CRY1: variants seen among roughly 807,000 people sequenced by gnomAD.
The protein encoded by CRY1 is cryptochrome circadian regulator 1, also known as cryptochrome-1.
A neutral mutation model predicts 76.0 loss-of-function variants in CRY1; 45 were observed. That is an observed-to-expected ratio of 0.59 (90% confidence interval 0.47 to 0.76). CRY1 has a LOEUF of 0.76. Among genes scored for constraint, CRY1 ranks in the 30% least tolerant of loss-of-function variants. The pLI is 0.00. For missense variants in CRY1, 587 were observed against 716.4 expected (o/e 0.82, Z 2.06); for synonymous variants, 248 against 244.0 (o/e 1.02, Z -0.15).
At chr12:107,049,158 G>A (rs1952886196) in intron 1 of CRY1, among the ~76,000 whole-genome samples, 1 of 152,140 alleles carries the variant, frequency 6.6e-6, no homozygotes. Context: ...ACCAAAAGCT[G>A]AAATAGTCCA....
intron 1 of CRY1, among the ~76,000 whole-genome samples, chr12:107,084,244 G>T (rs564715029): frequency 6.6e-6 from 1 of 152,220 alleles, no homozygotes; most frequent in South Asian, 2.1e-4. Flanking sequence ...TCATGAAAAT[G>T]GCCATACTGC....
chr12:107,053,873 G>T (rs1952951675), intron 1 of CRY1, among the ~76,000 whole-genome samples: 1 of 152,140 alleles, frequency 6.6e-6, no homozygotes, highest in Non-Finnish European at 1.5e-5. Context: ...AAGTATGAGT[G>T]GGAGTGGCAG....
intron 1 of CRY1, among the ~76,000 whole-genome samples, chr12:107,060,192 T>C (rs746662589): frequency 1.3e-5 from 2 of 152,246 alleles, no homozygotes; most frequent in African/African-American, 4.8e-5. Context: ...TGTGGTGCTA[T>C]AGTTTGAATG....
At chr12:107,081,527 G>A (rs11837249) in intron 1 of CRY1, among the ~76,000 whole-genome samples, 18,814 of 151,674 alleles carry the variant, frequency 0.12, 1,958 homozygotes, top group African/African-American at 0.27. Context: ...CTTACTGTCC[G>A]TTTTCCCCCC....
intron 1 of CRY1, among the ~76,000 whole-genome samples, chr12:107,051,139 A>C (rs1952914637): frequency 6.6e-6 from 1 of 152,216 alleles, no homozygotes; most frequent in Non-Finnish European, 1.5e-5. Flanking sequence ...ATGCGTTTAC[A>C]CATTTGAAAA....
At chr12:107,089,827 A>G (rs558403648) in intron 1 of CRY1, among the ~76,000 whole-genome samples, 54 of 152,200 alleles carry the variant, frequency 3.5e-4, no homozygotes, top group Non-Finnish European at 7.6e-4. Flanking sequence ...TTTAAATATA[A>G]AATTATTGAC....
intron 1 of CRY1, among the ~76,000 whole-genome samples, chr12:107,046,016 A>G (rs529583515): frequency 1.8e-4 from 28 of 152,060 alleles, no homozygotes; most frequent in African/African-American, 5.8e-4. Flanking sequence ...AGTCCCAGCT[A>G]TTCAGGAGGC....
chr12:107,026,002 C>T (rs1952604441), intron 1 of CRY1, among the ~76,000 whole-genome samples: 1 of 149,334 alleles, frequency 6.7e-6, no homozygotes, highest in Admixed American at 6.8e-5. Context: ...AATCTTCCAT[C>T]TTAAAGTCAC....
At chr12:106,998,955 T>C (rs1328837623) in intron 7 of CRY1, among the ~76,000 whole-genome samples, 1 of 148,074 alleles carries the variant, frequency 6.8e-6, no homozygotes, top group African/African-American at 2.5e-5. Context: ...GGCAGGAGAA[T>C]CACTTGAACC....
intron 1 of CRY1, among the ~76,000 whole-genome samples, chr12:107,048,169 C>A (rs1348660452): frequency 6.6e-6 from 1 of 152,126 alleles, no homozygotes; most frequent in East Asian, 1.9e-4. Context: ...CAACCTCCGC[C>A]CCCTGGGTTC....
intron 1 of CRY1, among the ~76,000 whole-genome samples, chr12:107,062,041 A>AAGAAAAAAAGAAAAAAAAAAG (rs1953054511): frequency 7.2e-6 from 1 of 138,470 alleles, no homozygotes; most frequent in African/African-American, 2.6e-5. Flanking sequence ...AAAAAAAAAA[A>AAGAAAAAAAGAAAAAAAAAAG]AAAGAAAAAA....
chr12:107,056,818 C>G (rs889088425), intron 1 of CRY1, among the ~76,000 whole-genome samples: 4 of 152,138 alleles, frequency 2.6e-5, no homozygotes, highest in Non-Finnish European at 5.9e-5. Flanking sequence ...CAGTTTCCAA[C>G]AGCAATAAAG....
At chr12:107,038,712 C>T (rs12304997) in intron 1 of CRY1, among the ~76,000 whole-genome samples, 2,140 of 152,322 alleles carry the variant, frequency 0.014, 55 homozygotes, top group African/African-American at 0.049. Context: ...CACAGACACA[C>T]TGATTCAACA....
chr12:107,063,069 G>A (rs1196236050), intron 1 of CRY1, among the ~76,000 whole-genome samples: 2 of 152,098 alleles, frequency 1.3e-5, no homozygotes, highest in African/African-American at 4.8e-5. Flanking sequence ...TTCCCAGTTT[G>A]TGAACTCAAT....
At chr12:107,089,872 G>A (rs1284363922) in intron 1 of CRY1, among the ~76,000 whole-genome samples, 1 of 152,048 alleles carries the variant, frequency 6.6e-6, no homozygotes, top group African/African-American at 2.4e-5. Context: ...AACAATAATT[G>A]AGCTACTACT....
intron 1 of CRY1, among the ~76,000 whole-genome samples, chr12:107,030,937 G>C (rs1041166130): frequency 3.3e-5 from 5 of 152,066 alleles, no homozygotes; most frequent in Non-Finnish European, 5.9e-5. Context: ...TGGGGGTTGG[G>C]GGTACCTGGG....
At chr12:107,036,044 C>T (rs541814132) in intron 1 of CRY1, among the ~76,000 whole-genome samples, 4 of 152,284 alleles carry the variant, frequency 2.6e-5, no homozygotes, top group South Asian at 2.1e-4. Flanking sequence ...GTGACTTTAC[C>T]GTCCCAGCTA....
intron 1 of CRY1, among the ~76,000 whole-genome samples, chr12:107,023,797 C>A (rs1466035326): frequency 6.6e-6 from 1 of 152,274 alleles, no homozygotes; most frequent in Non-Finnish European, 1.5e-5. Context: ...GGAGTCACCT[C>A]CCTAACACCT....
At chr12:107,035,756 T>C (rs1201044985) in intron 1 of CRY1, among the ~76,000 whole-genome samples, 1 of 152,174 alleles carries the variant, frequency 6.6e-6, no homozygotes. Context: ...GGGTATAATT[T>C]TATGCAAAGC....
Sources: allele counts gnomAD v4.1 joint callset (sites outside exome capture counted in the v4.1 genomes callset), GRCh38; gene constraint gnomAD v4.1.1; transcripts MANE v1.5; gene names NCBI Gene and HGNC (gene_info 2026-07-23, HGNC 2026-07-21).